LAMC1: variants seen among roughly 807,000 people sequenced by gnomAD.
The protein encoded by LAMC1 is laminin subunit gamma 1.
In LAMC1, 38 loss-of-function variants were observed where a neutral mutation model predicts 173.6. The ratio of observed to expected loss-of-function variants is 0.22; its 90% CI spans 0.17 to 0.29. LAMC1 has a LOEUF of 0.29. Ranked by LOEUF, LAMC1 falls within the 10% of genes least tolerant of loss-of-function variation. The probability of loss-of-function intolerance (pLI) is 1.00; values close to 1 mark genes in which losing one functional copy is unlikely to be tolerated. For missense variants in LAMC1, 1,824 were observed against 2,051.8 expected, an observed-to-expected ratio of 0.89 and a Z score of 2.14; for synonymous variants, 746 against 749.1, an observed-to-expected ratio of 1.00 and a Z score of 0.07.
At position 183,040,074 on chromosome 1, in the gene LAMC1, A is replaced by C. The variant is rs140558311; in HGVS notation, c.418+15940A>C. ...AATGTAACTAGATTCGGACTTCTTC[A>C]CATCTCTAGTGGTTTTCAATTATGA... On this transcript the variant is annotated intron_variant, in intron 1 of 27. Transcript: ENST00000258341. Among the ~76,000 whole-genome samples the C allele has an allele frequency of 7.9e-5, 12 of 152,288 alleles. No homozygotes were observed. The East Asian group carries it at 2.3e-3, about 29-fold the overall frequency.
At chr1:183,107,837 A>AG in intron 2 of LAMC1, among the ~76,000 whole-genome samples, 1 of 152,222 alleles carries the variant, frequency 6.6e-6, no homozygotes, top group East Asian at 1.9e-4. Context: ...CTCAAAAAAA[A>AG]AGAAAAAAAA....
Position 183,115,546 on chromosome 1 carries a change from T to TA in LAMC1, c.1238dup (p.Tyr413Ter), listed in dbSNP as rs1656293554. The TA allele has an allele frequency of 6.2e-7, 1 of 1,613,882 alleles. No homozygotes were observed. Among genetic ancestry groups the TA allele is most frequent in the African/African-American group, 1.3e-5 (1 of 74,928 alleles). Residue 413 changes from tyrosine to a stop codon, truncating the protein, a stop_gained and frameshift_variant, in exon 6 of 28, where the codon TAC (tyrosine) becomes TAAC (stop). Transcript: ENST00000258341. LOFTEE classifies it high-confidence loss of function. ...VGSLSTQCDS[Y>*]GRCSCKPGVM... ...CTCTCTAAGCACACAGTGTGATAGTTACGGCAGATGCAGCTGTAAGCCAGG... is the reference window on the plus strand; with the variant it reads ...CTCTCTAAGCACACAGTGTGATAGTTAACGGCAGATGCAGCTGTAAGCCAGG...
At chr1:183,121,095 A>T (rs1007995844) in intron 11 of LAMC1, among the ~76,000 whole-genome samples, 1 of 152,058 alleles carries the variant, frequency 6.6e-6, no homozygotes, top group Non-Finnish European at 1.5e-5. Context: ...AAATTCAGCA[A>T]ATCTAGGGGT....
chr1:183,107,018 T>A (rs1655994376), intron 2 of LAMC1, among the ~76,000 whole-genome samples: 1 of 152,182 alleles, frequency 6.6e-6, no homozygotes, highest in Non-Finnish European at 1.5e-5. Context: ...AGTATAGCAT[T>A]CTACCACACA....
chr1:183,137,014 C>G (rs889783955), intron 25 of LAMC1, among the ~76,000 whole-genome samples: 5 of 152,128 alleles, frequency 3.3e-5, no homozygotes, highest in Non-Finnish European at 7.3e-5. Context: ...GAGAGACTTC[C>G]CATAGCTGCC....
intron 1 of LAMC1, among the ~76,000 whole-genome samples, chr1:183,026,276 C>A (rs1653684024): frequency 6.6e-6 from 1 of 152,096 alleles, no homozygotes; most frequent in Non-Finnish European, 1.5e-5. Context: ...CTAGTTTAAA[C>A]TAACTTGACT....
intron 1 of LAMC1, among the ~76,000 whole-genome samples, chr1:183,035,694 G>C (rs972566186): frequency 2.6e-5 from 4 of 152,090 alleles, no homozygotes; most frequent in African/African-American, 9.7e-5. Flanking sequence ...TATGCCAAGC[G>C]GAAAAGTTAG....
chr1:183,101,439 A>G (rs1655831532), intron 1 of LAMC1, among the ~76,000 whole-genome samples: 1 of 150,928 alleles, frequency 6.6e-6, no homozygotes, highest in Non-Finnish European at 1.5e-5. Context: ...GGCAAAATGC[A>G]CTGCATCCTA....
intron 1 of LAMC1, among the ~76,000 whole-genome samples, chr1:183,084,927 T>C (rs1473711594): frequency 6.6e-6 from 1 of 152,216 alleles, no homozygotes; most frequent in African/African-American, 2.4e-5. Context: ...ATTTTATTAC[T>C]TATTCAGAGG....
At position 183,060,350 on chromosome 1, in the gene LAMC1, C is replaced by T. The variant is rs1261284630; in HGVS notation, c.418+36216C>T. 2.0e-5 allele frequency among the ~76,000 whole-genome samples: 3 copies of T among 148,346 alleles called. No individual in the cohort carries two copies. The Admixed American group carries it at 2.0e-4, about 10-fold the overall frequency. On this transcript the variant is annotated intron_variant, in intron 1 of 27. Coordinates refer to ENST00000258341, the MANE Select transcript of LAMC1 (RefSeq NM_002293.4). The stretch of plus-strand genomic sequence containing the variant: ...GGAGGATTGCTTGAGCCCAGGAGTT[C>T]AAGGCCAGCCTGGGCTACATAGCAA...
chr1:183,079,902 C>T (rs1655224164), intron 1 of LAMC1, among the ~76,000 whole-genome samples: 1 of 152,176 alleles, frequency 6.6e-6, no homozygotes. Flanking sequence ...CAGTGTTACT[C>T]ATGATCTCAT....
intron 1 of LAMC1, among the ~76,000 whole-genome samples, chr1:183,085,688 G>T (rs1269917715): frequency 6.6e-6 from 1 of 152,110 alleles, no homozygotes; most frequent in African/African-American, 2.4e-5. Context: ...TTCAAGGGGC[G>T]GGGAGAATGC....
At chr1:183,098,285 G>C (rs1655745243) in intron 1 of LAMC1, among the ~76,000 whole-genome samples, 1 of 152,148 alleles carries the variant, frequency 6.6e-6, no homozygotes, top group South Asian at 2.1e-4. Flanking sequence ...AGAATAAAAA[G>C]CTCCTTAGTG....
intron 2 of LAMC1, among the ~76,000 whole-genome samples, chr1:183,107,014 G>A (rs562376913): frequency 6.6e-6 from 1 of 152,274 alleles, no homozygotes; most frequent in Non-Finnish European, 1.5e-5. Flanking sequence ...CATTAGTATA[G>A]CATTCTACCA....
At chr1:183,111,024 G>A (rs955627402) in intron 4 of LAMC1, among the ~76,000 whole-genome samples, 3 of 151,714 alleles carry the variant, frequency 2.0e-5, no homozygotes, top group African/African-American at 7.3e-5. Flanking sequence ...GGCATCCAAG[G>A]TAATTAACAT....
At chr1:183,124,532 CAT>C (rs1656568293) in intron 13 of LAMC1, 97 bp from the exon 14 acceptor site, 4 of 1,421,040 alleles carry the variant, frequency 2.8e-6, no homozygotes, top group Non-Finnish European at 2.9e-6. Context: ...TGTCTTCTCT[CAT>C]GTGATGATTA....
At chr1:183,085,606 G>A (rs546686839) in intron 1 of LAMC1, among the ~76,000 whole-genome samples, 4 of 152,052 alleles carry the variant, frequency 2.6e-5, no homozygotes, top group Admixed American at 6.5e-5. Flanking sequence ...TTGGGGTCAG[G>A]TGATCTGCCT....
At chr1:183,114,004 T>C (rs1181935109) in intron 4 of LAMC1, among the ~76,000 whole-genome samples, 2 of 152,128 alleles carry the variant, frequency 1.3e-5, no homozygotes, top group Non-Finnish European at 2.9e-5. Flanking sequence ...GGAGGAACAT[T>C]TCTTTATCAT....
At position 183,114,660 on chromosome 1, in the gene LAMC1, A is replaced by T. The variant is rs1439188979; in HGVS notation, c.1151A>T (p.Glu384Val). ...TDGAHCERCR[E>V]NFFRLGNNEA... ...GGCGCCCACTGTGAGAGGTGCCGAGAGAACTTCTTCCGCCTTGGCAACAAT... is the reference window on the plus strand; with the variant it reads ...GGCGCCCACTGTGAGAGGTGCCGAGTGAACTTCTTCCGCCTTGGCAACAAT... The change falls in exon 5 of 28, where the codon GAG (glutamate) becomes GTG (valine). Residue 384 changes from glutamate to valine, a missense_variant. By Grantham distance (121) the Glu-to-Val change is moderately radical. Coordinates refer to ENST00000258341, the MANE Select transcript of LAMC1 (RefSeq NM_002293.4). 1 of 1,614,094 alleles carries T rather than the reference A, an allele frequency of 6.2e-7. No individual in the cohort carries two copies. Among genetic ancestry groups the T allele is most frequent in the African/African-American group, 1.3e-5 (1 of 74,932 alleles).
Sources: allele counts gnomAD v4.1 joint callset (sites outside exome capture counted in the v4.1 genomes callset), GRCh38; gene constraint gnomAD v4.1.1; transcripts MANE v1.5; gene names NCBI Gene and HGNC (gene_info 2026-07-23, HGNC 2026-07-21).